Variants in MYH10 observed in about 807,000 individuals in gnomAD.
MYH10 encodes the protein myosin heavy chain 10.
Under a neutral mutation model 257.8 loss-of-function variants are expected in MYH10, and 55 were observed. The ratio of observed to expected loss-of-function variants is 0.21; its 90% CI spans 0.17 to 0.27. The LOEUF (loss-of-function observed/expected upper bound fraction) is 0.27, where lower values mean the gene tolerates loss of function less well. Among genes scored for constraint, MYH10 ranks in the 10% least tolerant of loss-of-function variants. The probability of loss-of-function intolerance (pLI) is 1.00; values close to 1 mark genes in which losing one functional copy is unlikely to be tolerated. For synonymous variants in MYH10, 854 were observed against 921.7 expected (o/e 0.93, Z 1.33); for missense variants, 1,631 against 2,500.6 (o/e 0.65, Z 7.42).
At chr17:8,592,278 A>G (rs181495671) in intron 3 of MYH10, among the ~76,000 whole-genome samples, 37 of 152,304 alleles carry the variant, frequency 2.4e-4, no homozygotes, top group Admixed American at 1.8e-3. Context: ...TTAAATCAAA[A>G]GTAAGGAGAA....
At chr17:8,560,583 T>C in intron 7 of MYH10, 1 of 857,914 alleles carries the variant, frequency 1.2e-6, no homozygotes, top group Non-Finnish European at 1.8e-6. Flanking sequence ...AAAACTTTCG[T>C]GCACTGAGCA....
At chr17:8,596,275 C>T (rs2084368231) in intron 3 of MYH10, among the ~76,000 whole-genome samples, 1 of 151,828 alleles carries the variant, frequency 6.6e-6, no homozygotes, top group African/African-American at 2.4e-5. Flanking sequence ...GCCTCAGCCT[C>T]CTGAGCAGCT....
chr17:8,618,732 T>C (rs939823314), intron 2 of MYH10, among the ~76,000 whole-genome samples: 1 of 152,206 alleles, frequency 6.6e-6, no homozygotes, highest in African/African-American at 2.4e-5. Flanking sequence ...TGCAAGTCTT[T>C]CAAATGATGA....
chr17:8,590,512 A>C (rs1251684656), intron 3 of MYH10, among the ~76,000 whole-genome samples: 2 of 151,620 alleles, frequency 1.3e-5, no homozygotes, highest in Non-Finnish European at 2.9e-5. Flanking sequence ...GGGTTTTGCC[A>C]TGTTGCCCAG....
intron 8 of MYH10, among the ~76,000 whole-genome samples, chr17:8,553,644 G>T (rs997152546): frequency 6.6e-6 from 1 of 152,154 alleles, no homozygotes. Context: ...ATCAGAAGTA[G>T]ATGGTAAAAA....
chr17:8,570,827 T>C (rs1254055674), intron 6 of MYH10, among the ~76,000 whole-genome samples: 1 of 152,122 alleles, frequency 6.6e-6, no homozygotes, highest in Non-Finnish European at 1.5e-5. Context: ...AGAACAAATA[T>C]ATGTCATCCG....
intron 19 of MYH10, 53 bp from the exon 20 acceptor site, chr17:8,519,003 A>G (rs2081565548): frequency 2.2e-6 from 3 of 1,381,238 alleles, no homozygotes; most frequent in African/African-American, 2.9e-5. Flanking sequence ...AACGATGTGT[A>G]TCTACTAACT....
intron 7 of MYH10, among the ~76,000 whole-genome samples, chr17:8,556,145 C>T (rs553116612): frequency 1.1e-4 from 17 of 152,194 alleles, no homozygotes; most frequent in Non-Finnish European, 2.4e-4. Context: ...AGCAAAGATA[C>T]AGAATAACTA....
chr17:8,560,690 T>C, intron 7 of MYH10: 1 of 684,092 alleles, frequency 1.5e-6, no homozygotes, highest in Non-Finnish European at 2.6e-6. Context: ...CACACCATAA[T>C]AATGCCAGTC....
intron 26 of MYH10, among the ~76,000 whole-genome samples, chr17:8,508,071 G>A (rs2081132353): frequency 6.6e-6 from 1 of 152,052 alleles, no homozygotes; most frequent in African/African-American, 2.4e-5. Flanking sequence ...TAAATACAGG[G>A]TCTCGCTGTG....
intron 3 of MYH10, among the ~76,000 whole-genome samples, chr17:8,592,504 G>C (rs2084186155): frequency 6.6e-6 from 1 of 151,736 alleles, no homozygotes; most frequent in South Asian, 2.1e-4. Flanking sequence ...AAGATAATAA[G>C]AAAATATTAA....
rs949730191 is a variant in MYH10, at chr17:8,535,050, C to T, written c.1894+337G>A. Among the ~76,000 whole-genome samples, 2 of 152,084 alleles carry T rather than the reference C, an allele frequency of 1.3e-5. No homozygotes were observed. Among genetic ancestry groups the T allele is most frequent in the East Asian group, 3.8e-4 (2 of 5,200 alleles). On this transcript the variant is annotated intron_variant, in intron 16 of 42. Transcript: ENST00000360416. The surrounding 1 kb of genome is among the most constrained non-coding windows in gnomAD (Gnocchi z 4.3). Reference sequence around the variant, plus strand: ...ACACAGGGAAAATGGAATGAGCAGGCCTTCTCGGGTTTTGTGTTCCAGTGT... The same window carrying T: ...ACACAGGGAAAATGGAATGAGCAGGTCTTCTCGGGTTTTGTGTTCCAGTGT...
Position 8,569,519 on chromosome 17 carries a change from GTTAC to G in MYH10, c.756+197_756+200del, listed in dbSNP as rs906992223. 6.6e-6 allele frequency among the ~76,000 whole-genome samples: 1 copy of G among 152,066 alleles called. No individual in the cohort carries two copies. Among genetic ancestry groups the G allele is most frequent in the African/African-American group, 2.4e-5 (1 of 41,404 alleles). On this transcript the variant is annotated intron_variant, in intron 7 of 42. Coordinates refer to ENST00000360416, the MANE Select transcript of MYH10 (RefSeq NM_001256012.3). The surrounding 1 kb of genome is among the most constrained non-coding windows in gnomAD (Gnocchi z 4.1). ...ATTTCTGTATGATAAAATGATGAAA[GTTAC>G]TTACACATTACCTTTTTTCTTTTCA...
chr17:8,582,049 G>T (rs2083725438), intron 4 of MYH10, among the ~76,000 whole-genome samples: 1 of 152,158 alleles, frequency 6.6e-6, no homozygotes, highest in African/African-American at 2.4e-5. Context: ...AAATGGTAGT[G>T]GTGATACCAA....
chr17:8,579,039 T>C (rs2083602657), intron 4 of MYH10, among the ~76,000 whole-genome samples: 1 of 152,068 alleles, frequency 6.6e-6, no homozygotes, highest in Non-Finnish European at 1.5e-5. Flanking sequence ...GACTTTGGGA[T>C]GCCAAGGCCG....
rs150920148 is a variant in MYH10 at position 8,489,810 on chromosome 17, T to G, written c.4884+530A>C. ...TGGCAAAATACCCACAATTCATTTT[T>G]AAAGTAAAGTTTTAGACTAGAAATT... On this transcript the variant is annotated intron_variant, in intron 35 of 42. Coordinates refer to ENST00000360416, the MANE Select transcript of MYH10 (RefSeq NM_001256012.3). Among the ~76,000 whole-genome samples the G allele has an allele frequency of 6.8e-4, 104 of 152,196 alleles. No homozygotes were observed. The East Asian group carries it at 0.017, about 25-fold the overall frequency.
intron 7 of MYH10, chr17:8,560,640 T>A: frequency 1.1e-6 from 1 of 878,072 alleles, no homozygotes; most frequent in South Asian, 1.3e-5. Flanking sequence ...TTCACAGAAT[T>A]ATTCCAGGGT....
intron 2 of MYH10, among the ~76,000 whole-genome samples, chr17:8,618,295 C>T (rs2085341874): frequency 6.7e-6 from 1 of 149,150 alleles, no homozygotes; most frequent in African/African-American, 2.5e-5. Flanking sequence ...GTTGCCCAGG[C>T]TGGAGGGCAA....
chr17:8,475,527 T>A lies in MYH10; in HGVS notation c.*277A>T, dbSNP rs1316274897. 2.9e-6 allele frequency: 1 copy of A among 345,834 alleles called. No homozygotes were observed. The highest frequency in any genetic ancestry group is 5.2e-6 in the Non-Finnish European group (1 of 190,696). 21.4% of individuals were successfully genotyped at this position (345,834 alleles called of 1,614,324 possible). A position where few individuals can be genotyped will look rare whatever the true frequency, so the allele number is the denominator to read the frequency against. On this transcript the variant is annotated 3_prime_UTR_variant, in exon 43 of 43. Coordinates refer to ENST00000360416, the MANE Select transcript of MYH10 (RefSeq NM_001256012.3). ...TTGTTTTAAAAAGGGTCTTACCATG[T>A]TTTATAAAATGGTCTCTTGATGACT... is the stretch of plus-strand genomic sequence containing the variant.
Sources: gnomAD v4.1 joint callset for allele counts (sites outside exome capture counted in the v4.1 genomes callset) on GRCh38, gnomAD v4.1.1 for gene constraint, Gnocchi (gnomAD v3.1) non-coding constraint, MANE v1.5 for transcripts, NCBI Gene and HGNC (gene_info 2026-07-23, HGNC 2026-07-21) for gene names.